SH3BP5L: variants seen among roughly 807,000 people sequenced by gnomAD.
SH3BP5L encodes SH3 binding domain protein 5 like.
Under a neutral mutation model 40.9 loss-of-function variants are expected in SH3BP5L, and 16 were observed. The ratio of observed to expected loss-of-function variants is 0.39; its 90% confidence interval spans 0.27 to 0.59. The LOEUF (loss-of-function observed/expected upper bound fraction) is 0.59, where lower values mean the gene tolerates loss of function less well. Ranked by LOEUF, SH3BP5L falls within the 20% of genes least tolerant of loss-of-function variation. SH3BP5L has a pLI of 0.53. For synonymous variants in SH3BP5L, 229 were observed against 226.7 expected (o/e 1.01, Z -0.09); for missense variants, 471 against 544.6 (o/e 0.86, Z 1.35).
In SH3BP5L at chr1:248,811,791, AGAAGGGGACCTTCGG is replaced by A. The variant is rs2103010368; in HGVS notation, c.*94_*108del. On this transcript the variant is annotated 3_prime_UTR_variant, in exon 7 of 7. Coordinates refer to ENST00000366472, the MANE Select transcript of SH3BP5L (RefSeq NM_030645.3). The stretch of plus-strand genomic sequence containing the variant: ...CTGGCCTCTCCCAGGGAAGCACTGG[AGAAGGGGACCTTCGG>A]GAAGACGAGGCCCCAGAGGAGAGGG... 2.4e-6 allele frequency: 2 copies of A among 843,034 alleles called. No individual in the cohort carries two copies. Among genetic ancestry groups the A allele is most frequent in the East Asian group, 5.5e-5 (2 of 36,574 alleles). The allele number at this position is 843,034 out of a possible 1,614,324, so 52.2% of individuals were successfully genotyped here. A position where few individuals can be genotyped will look rare whatever the true frequency, so the allele number is the denominator to read the frequency against.
chr1:248,813,104 C>T lies in SH3BP5L; in HGVS notation c.596G>A (p.Arg199Gln), dbSNP rs767602867. 5.6e-6 allele frequency: 9 copies of T among 1,611,468 alleles called. No homozygotes were observed. In the South Asian group the frequency reaches 8.8e-5, roughly 16 times the overall value. ...CCGAGCCTCAGCCTGTTGGCACAGCCGAGTCACTCGCTGGTGCTCCCGCTC... is the reference window on the plus strand; with the variant it reads ...CCGAGCCTCAGCCTGTTGGCACAGCTGAGTCACTCGCTGGTGCTCCCGCTC... Reference protein sequence around the residue: ...RGEREHQRVTRLCQQAEARVQ... With the variant: ...RGEREHQRVTQLCQQAEARVQ... Residue 199 changes from arginine to glutamine, a missense_variant, in exon 6 of 7, where the codon CGG becomes CAG. This residue lies in a region of SH3BP5L where 275 missense variants were observed against 370.1 expected (regional missense o/e 0.74). Coordinates refer to ENST00000366472, the MANE Select transcript of SH3BP5L (RefSeq NM_030645.3).
At chr1:248,816,706 AG>A in intron 3 of SH3BP5L, 44 bp from the exon 4 acceptor site, 2 of 1,612,488 alleles carry the variant, frequency 1.2e-6, no homozygotes, top group Non-Finnish European at 1.7e-6. Context: ...TTTGGGTCCC[AG>A]CCCCTCTTGT....
At position 248,812,887 on chromosome 1, in the gene SH3BP5L, C is replaced by A; in HGVS notation, c.711+102G>T. The A allele has an allele frequency of 8.7e-7, 1 of 1,143,392 alleles. No individual in the cohort carries two copies. The highest frequency in any genetic ancestry group is 1.2e-6 in the Non-Finnish European group (1 of 806,080). The allele number at this position is 1,143,392 out of a possible 1,614,324, so 70.8% of individuals were successfully genotyped here. A position where few individuals can be genotyped will look rare whatever the true frequency, so the allele number is the denominator to read the frequency against. On this transcript the variant is annotated intron_variant, in intron 6 of 6. Coordinates refer to ENST00000366472, the MANE Select transcript of SH3BP5L (RefSeq NM_030645.3). This position sits in a 1 kb window ranked among gnomAD's most constrained non-coding sequence, Gnocchi z 6.1. Reference sequence around the variant, plus strand: ...TCCCCACCGCTAGCCGGAGGCCTCACCCTGGCCACCTCACCAAGATGGCCC... The same window carrying A: ...TCCCCACCGCTAGCCGGAGGCCTCAACCTGGCCACCTCACCAAGATGGCCC...
At position 248,816,741 on chromosome 1, in the gene SH3BP5L, G is replaced by A. The variant is rs534690671; in HGVS notation, c.247-79C>T. 432 of 1,610,698 alleles carry A rather than the reference G, an allele frequency of 2.7e-4. 2 individuals are homozygous for A. In the Middle Eastern group the frequency reaches 5.0e-3, roughly 19 times the overall value. On this transcript the variant is annotated intron_variant, in intron 3 of 6. Transcript: ENST00000366472. ...GTTTCTCAGACACACCCCTCCCACCGCCACTGCCTCAATCTGGGAAAGAGA... is the reference window on the plus strand; with the variant it reads ...GTTTCTCAGACACACCCCTCCCACCACCACTGCCTCAATCTGGGAAAGAGA...
At position 248,816,900 on chromosome 1, in the gene SH3BP5L, G is replaced by A; in HGVS notation, c.184-16C>T. The A allele has an allele frequency of 6.2e-7, 1 of 1,614,184 alleles. No homozygotes were observed. Among genetic ancestry groups the A allele is most frequent in the Non-Finnish European group, 8.5e-7 (1 of 1,180,014 alleles). On this transcript the variant is annotated splice_polypyrimidine_tract_variant and intron_variant, in intron 2 of 6. Coordinates refer to ENST00000366472, the MANE Select transcript of SH3BP5L (RefSeq NM_030645.3). ...CCAACTCCTCCTGCCACAGAGAGGG[G>A]TGGCAAATTAGTGCAGTGGAAGGAA...
At chr1:248,814,195 T>A (rs1664035009) in intron 5 of SH3BP5L, 1 of 538,850 alleles carries the variant, frequency 1.9e-6, no homozygotes, top group Non-Finnish European at 3.3e-6. Context: ...GATGAATTGT[T>A]TGGGTTAGTC....
rs1179608716 is a variant in SH3BP5L, at chr1:248,813,134, C to T, written c.566G>A (p.Arg189Gln). The change falls in exon 6 of 7, where the codon CGA becomes CAA. Residue 189 changes from arginine to glutamine, a missense_variant. Around this residue, in one of 2 missense-constraint regions of SH3BP5L, gnomAD observed 275 missense variants for 370.1 expected, o/e 0.74. Coordinates refer to ENST00000366472, the MANE Select transcript of SH3BP5L (RefSeq NM_030645.3). Reference protein sequence around the residue: ...KVNEAEEERLRGEREHQRVTR... With the variant: ...KVNEAEEERLQGEREHQRVTR... ...CACTCGCTGGTGCTCCCGCTCACCTCGAAGCCGCTCTTCCTCCGCCTCATT... is the reference window on the plus strand; with the variant it reads ...CACTCGCTGGTGCTCCCGCTCACCTTGAAGCCGCTCTTCCTCCGCCTCATT... The T allele has an allele frequency of 5.0e-6, 8 of 1,603,810 alleles. No individual in the cohort carries two copies. Among genetic ancestry groups the T allele is most frequent in the South Asian group, 3.3e-5 (3 of 89,902 alleles).
Position 248,825,847 on chromosome 1 carries a change from T to C in SH3BP5L, c.-444A>G, listed in dbSNP as rs1664367055. On this transcript the variant is annotated 5_prime_UTR_variant, in exon 1 of 7. Coordinates refer to ENST00000366472, the MANE Select transcript of SH3BP5L (RefSeq NM_030645.3). ...CGCACAGCCTTACCTCAGTTTACCTTCCCGTCCGCGGAGCTTCTATGCTGC... is the reference window on the plus strand; with the variant it reads ...CGCACAGCCTTACCTCAGTTTACCTCCCCGTCCGCGGAGCTTCTATGCTGC... 2.0e-6 allele frequency: 2 copies of C among 983,130 alleles called. No homozygotes were observed. Among genetic ancestry groups the C allele is most frequent in the Non-Finnish European group, 2.4e-6 (2 of 828,732 alleles). 60.9% of individuals were successfully genotyped at this position (983,130 alleles called of 1,614,324 possible).
intron 5 of SH3BP5L, 153 bp downstream of exon 5, chr1:248,814,296 G>A: frequency 1.2e-6 from 1 of 830,448 alleles, no homozygotes; most frequent in Non-Finnish European, 1.9e-6. Context: ...AGGCCAAACA[G>A]AACAGAAAAC....
chr1:248,812,511 T>A lies in SH3BP5L; in HGVS notation c.712-141A>T. 1.9e-6 allele frequency: 1 copy of A among 530,536 alleles called. No individual in the cohort carries two copies. The highest frequency in any genetic ancestry group is 3.2e-6 in the Non-Finnish European group (1 of 315,428). The allele number at this position is 530,536 out of a possible 1,614,324, so 32.9% of individuals were successfully genotyped here. On this transcript the variant is annotated intron_variant, in intron 6 of 6. Coordinates refer to ENST00000366472, the MANE Select transcript of SH3BP5L (RefSeq NM_030645.3). The surrounding 1 kb of genome is among the most constrained non-coding windows in gnomAD (Gnocchi z 6.1). Reference sequence around the variant, plus strand: ...CATCCACCACAGACCCACAACAGCCTTCCCTGCTCCACTCTCAGCACCCAC... The same window carrying A: ...CATCCACCACAGACCCACAACAGCCATCCCTGCTCCACTCTCAGCACCCAC...
At position 248,811,592 on chromosome 1, in the gene SH3BP5L, C is replaced by T; in HGVS notation, c.*308G>A. 1 of 385,256 alleles carries T rather than the reference C, an allele frequency of 2.6e-6. No individual in the cohort carries two copies. Among genetic ancestry groups the T allele is most frequent in the Non-Finnish European group, 4.7e-6 (1 of 214,992 alleles). The allele number at this position is 385,256 out of a possible 1,614,324, so 23.9% of individuals were successfully genotyped here. On this transcript the variant is annotated 3_prime_UTR_variant, in exon 7 of 7. Coordinates refer to ENST00000366472, the MANE Select transcript of SH3BP5L (RefSeq NM_030645.3). The stretch of plus-strand genomic sequence containing the variant: ...GCCAAACAGATGGAAAGAGAGGGAG[C>T]AGAAAGGGAAAGCAAAGGGTCAATG...
chr1:248,821,324 C>T lies in SH3BP5L; in HGVS notation c.183+3429G>A. 1 of 152,536 alleles carries T rather than the reference C, an allele frequency of 6.6e-6. No individual in the cohort carries two copies. Among genetic ancestry groups the T allele is most frequent in the Non-Finnish European group, 1.5e-5 (1 of 68,162 alleles). 9.4% of individuals were successfully genotyped at this position (152,536 alleles called of 1,614,324 possible). A position where few individuals can be genotyped will look rare whatever the true frequency, so the allele number is the denominator to read the frequency against. ...CGTGCATCATCCATCAGTGAGCCAG[C>T]AGCCAGCAGGGAGGGTGACCTTCCC... On this transcript the variant is annotated intron_variant, in intron 2 of 6. Coordinates refer to ENST00000366472, the MANE Select transcript of SH3BP5L (RefSeq NM_030645.3). The surrounding 1 kb of genome is among the most constrained non-coding windows in gnomAD (Gnocchi z 4.6).
Position 248,811,679 on chromosome 1 carries a change from G to T in SH3BP5L, c.*221C>A. 2.0e-6 allele frequency: 1 copy of T among 510,650 alleles called. No individual in the cohort carries two copies. The highest frequency in any genetic ancestry group is 3.2e-5 in the East Asian group (1 of 30,948). 31.6% of individuals were successfully genotyped at this position (510,650 alleles called of 1,614,324 possible). A position where few individuals can be genotyped will look rare whatever the true frequency, so the allele number is the denominator to read the frequency against. The stretch of plus-strand genomic sequence containing the variant: ...ACAGAGCGCCGAGGGCGAGCCTTCT[G>T]AATGGGTAAGGCAAAGAGAGCCGCC... On this transcript the variant is annotated 3_prime_UTR_variant, in exon 7 of 7. Transcript: ENST00000366472.
chr1:248,824,363 T>G (rs1664320353), intron 2 of SH3BP5L, among the ~76,000 whole-genome samples: 1 of 152,110 alleles, frequency 6.6e-6, no homozygotes, highest in African/African-American at 2.4e-5. Context: ...TCCCCCAGTA[T>G]CAAAGTCATC....
chr1:248,814,999 G>C (rs1223868653), intron 4 of SH3BP5L: 1 of 357,992 alleles, frequency 2.8e-6, no homozygotes, highest in Non-Finnish European at 5.5e-6. Context: ...CAAGCTGAAG[G>C]AAGTAATCAG....
At chr1:248,820,018 AATAAT>A (rs1664215183) in intron 2 of SH3BP5L, among the ~76,000 whole-genome samples, 1 of 152,206 alleles carries the variant, frequency 6.6e-6, no homozygotes, top group South Asian at 2.1e-4. Flanking sequence ...ATCAACATAA[AATAAT>A]ATTATTATCC....
chr1:248,816,438 G>T, intron 4 of SH3BP5L, 96 bp downstream of exon 4: 1 of 1,520,896 alleles, frequency 6.6e-7, no homozygotes, highest in South Asian at 1.2e-5. Context: ...CTGCCCTCAG[G>T]GTCTGGTGTT....
intron 2 of SH3BP5L, among the ~76,000 whole-genome samples, chr1:248,819,124 T>C (rs1174431456): frequency 6.6e-6 from 1 of 152,156 alleles, no homozygotes; most frequent in African/African-American, 2.4e-5. Flanking sequence ...CCTGAAAAGA[T>C]CTGGGTCAGC....
At position 248,825,030 on chromosome 1, in the gene SH3BP5L, A is replaced by G. The variant is rs1299098987; in HGVS notation, c.-95T>C. On this transcript the variant is annotated 5_prime_UTR_variant, in exon 2 of 7. Transcript: ENST00000366472. ...GGGGCTTCCTGGGCTCTAGATGGCC[A>G]GGAGAAGAGTTTCTCTTCTCAAAAG... 2.0e-6 allele frequency: 3 copies of G among 1,487,186 alleles called. No individual in the cohort carries two copies. Among genetic ancestry groups the G allele is most frequent in the African/African-American group, 1.4e-5 (1 of 71,062 alleles). 92.1% of individuals were successfully genotyped at this position (1,487,186 alleles called of 1,614,324 possible). A position where few individuals can be genotyped will look rare whatever the true frequency, so the allele number is the denominator to read the frequency against.
Sources: allele counts gnomAD v4.1 joint callset (sites outside exome capture counted in the v4.1 genomes callset), GRCh38; gene constraint gnomAD v4.1.1; regional missense constraint gnomAD v4.1.1; non-coding constraint Gnocchi (gnomAD v3.1); transcripts MANE v1.5; gene names NCBI Gene and HGNC (gene_info 2026-07-23, HGNC 2026-07-21).